Variants in EDIL3 observed in about 807,000 individuals in gnomAD.
The protein encoded by EDIL3 is EGF like and discoidin domains 3.
In EDIL3, 37 loss-of-function variants were observed where a neutral mutation model predicts 67.4. That is an observed-to-expected ratio of 0.55 (90% confidence interval 0.42 to 0.72). The LOEUF (loss-of-function observed/expected upper bound fraction) is 0.72, where lower values mean the gene tolerates loss of function less well. EDIL3 is among the 30% of genes least tolerant of loss of function. EDIL3 has a pLI of 0.00. For missense variants in EDIL3, 527 were observed against 586.3 expected, an observed-to-expected ratio of 0.90 and a Z score of 1.04; for synonymous variants, 195 against 196.3, an observed-to-expected ratio of 0.99 and a Z score of 0.05.
At position 84,072,352 on chromosome 5, in the gene EDIL3, A is replaced by G. The variant is rs147643526; in HGVS notation, c.652-5746T>C. On this transcript the variant is annotated intron_variant, in intron 6 of 10. Coordinates refer to ENST00000296591, the MANE Select transcript of EDIL3 (RefSeq NM_005711.5). ...TAAAAGGAATGAATATGGATTTTAA[A>G]CATATGAAAAGATAATCATATTCAT... Among the ~76,000 whole-genome samples, 1,246 of 152,242 alleles carry G rather than the reference A, an allele frequency of 8.2e-3. 21 individuals are homozygous for G. The highest frequency in any genetic ancestry group is 0.029 in the African/African-American group (1,197 of 41,572).
At chr5:84,333,267 T>C (rs968801918) in intron 1 of EDIL3, among the ~76,000 whole-genome samples, 2 of 152,130 alleles carry the variant, frequency 1.3e-5, no homozygotes, top group African/African-American at 2.4e-5. Flanking sequence ...AGTATTTGCA[T>C]AAGAACATTG....
At chr5:84,375,904 A>G (rs1427058360) in intron 1 of EDIL3, among the ~76,000 whole-genome samples, 1 of 152,202 alleles carries the variant, frequency 6.6e-6, no homozygotes, top group Non-Finnish European at 1.5e-5. Flanking sequence ...AAATTTTTAA[A>G]TTATTGTCCC....
chr5:84,188,239 A>G (rs970272606), intron 3 of EDIL3, among the ~76,000 whole-genome samples: 2 of 152,022 alleles, frequency 1.3e-5, no homozygotes, highest in Non-Finnish European at 2.9e-5. Flanking sequence ...AAAATATGCC[A>G]CAAACATGGT....
chr5:84,022,274 A>T (rs1745732102), intron 9 of EDIL3, among the ~76,000 whole-genome samples: 1 of 152,066 alleles, frequency 6.6e-6, no homozygotes, highest in South Asian at 2.1e-4. Context: ...GTGTGAATCA[A>T]TCAACATGAT....
chr5:84,144,668 G>C (rs192991540), intron 4 of EDIL3, among the ~76,000 whole-genome samples: 1 of 152,036 alleles, frequency 6.6e-6, no homozygotes, highest in Non-Finnish European at 1.5e-5. Context: ...GTTGTCTGCA[G>C]ATCTAAGAGT....
chr5:84,270,877 T>C lies in EDIL3; in HGVS notation c.68-16665A>G, dbSNP rs116102965. ...TATCATAGAAACATAAATAACGGTC[T>C]AGATTACTTATACAGCCAAACCTGA... On this transcript the variant is annotated intron_variant, in intron 1 of 10. Coordinates refer to ENST00000296591, the MANE Select transcript of EDIL3 (RefSeq NM_005711.5). Among the ~76,000 whole-genome samples the C allele has an allele frequency of 5.3e-3, 802 of 152,278 alleles. 10 individuals are homozygous for C. The highest frequency in any genetic ancestry group is 0.018 in the African/African-American group (751 of 41,564).
At chr5:84,343,573 G>A (rs1175066353) in intron 1 of EDIL3, among the ~76,000 whole-genome samples, 2 of 152,206 alleles carry the variant, frequency 1.3e-5, no homozygotes, top group East Asian at 3.9e-4. Flanking sequence ...GAATTAATGA[G>A]TGATATAATA....
At chr5:84,326,932 T>C (rs987595639) in intron 1 of EDIL3, among the ~76,000 whole-genome samples, 3 of 151,962 alleles carry the variant, frequency 2.0e-5, no homozygotes, top group African/African-American at 7.2e-5. Flanking sequence ...ATCTAATTTT[T>C]AGATGTACCC....
intron 1 of EDIL3, among the ~76,000 whole-genome samples, chr5:84,327,414 G>A (rs1746786214): frequency 6.6e-6 from 1 of 151,576 alleles, no homozygotes; most frequent in African/African-American, 2.4e-5. Context: ...AGTCATTTGT[G>A]CCTTTTTCAT....
intron 1 of EDIL3, among the ~76,000 whole-genome samples, chr5:84,292,592 A>G (rs2112120380): frequency 6.6e-6 from 1 of 152,328 alleles, no homozygotes; most frequent in African/African-American, 2.4e-5. Context: ...TTGAAAATAA[A>G]AAGTGGTAAT....
chr5:84,121,721 CA>C (rs1180837127), intron 5 of EDIL3, among the ~76,000 whole-genome samples: 1 of 151,990 alleles, frequency 6.6e-6, no homozygotes, highest in Non-Finnish European at 1.5e-5. Context: ...AGTATTTTTG[CA>C]GCTCATGCCT....
chr5:83,969,036 T>C (rs1180791223), intron 9 of EDIL3, among the ~76,000 whole-genome samples: 1 of 151,820 alleles, frequency 6.6e-6, no homozygotes, highest in African/African-American at 2.4e-5. Flanking sequence ...GTTCTTGGCA[T>C]TTTAAAAAAT....
chr5:84,294,220 A>G (rs1467441277), intron 1 of EDIL3, among the ~76,000 whole-genome samples: 3 of 151,446 alleles, frequency 2.0e-5, no homozygotes, highest in Non-Finnish European at 2.9e-5. Flanking sequence ...CGTCTCTACT[A>G]AAAAAATAGA....
At chr5:84,288,568 C>A (rs1461383664) in intron 1 of EDIL3, among the ~76,000 whole-genome samples, 1 of 152,076 alleles carries the variant, frequency 6.6e-6, no homozygotes, top group African/African-American at 2.4e-5. Context: ...AAGTAAATAT[C>A]AACTGTACTC....
intron 5 of EDIL3, among the ~76,000 whole-genome samples, chr5:84,135,920 A>G (rs929141433): frequency 6.6e-6 from 1 of 151,964 alleles, no homozygotes; most frequent in Non-Finnish European, 1.5e-5. Flanking sequence ...CCCATTTTAT[A>G]TCATTATTTT....
chr5:84,258,767 A>G (rs1205651100), intron 1 of EDIL3, among the ~76,000 whole-genome samples: 1 of 152,106 alleles, frequency 6.6e-6, no homozygotes, highest in African/African-American at 2.4e-5. Context: ...GTGGGTTGAT[A>G]CCTTAAGTGA....
intron 3 of EDIL3, chr5:84,181,023 GTAACCACA>G (rs971445803): frequency 1.3e-5 from 2 of 152,192 alleles, no homozygotes; most frequent in African/African-American, 4.8e-5. Context: ...GCATATGGCT[GTAACCACA>G]TAAACCAAGT....
intron 1 of EDIL3, among the ~76,000 whole-genome samples, chr5:84,302,588 G>A (rs982752791): frequency 2.6e-5 from 4 of 152,154 alleles, no homozygotes; most frequent in Admixed American, 2.0e-4. Flanking sequence ...AAGCCACTGC[G>A]TCCAGCCCCA....
At chr5:84,097,838 C>G (rs1747291803) in intron 6 of EDIL3, among the ~76,000 whole-genome samples, 1 of 151,934 alleles carries the variant, frequency 6.6e-6, no homozygotes, top group Non-Finnish European at 1.5e-5. Flanking sequence ...GAGAAATTGA[C>G]ACTGCATATC....
Sources: allele counts gnomAD v4.1 joint callset (sites outside exome capture counted in the v4.1 genomes callset), GRCh38; gene constraint gnomAD v4.1.1; transcripts MANE v1.5; gene names NCBI Gene and HGNC (gene_info 2026-07-23, HGNC 2026-07-21).